The following GOLGA2 variants were observed in gnomAD, a reference collection of about 807,000 sequenced individuals.
The protein encoded by GOLGA2 is golgin subfamily A member 2.
GOLGA2 carries 49 observed loss-of-function variants against 148.8 expected under a neutral mutation model. The ratio of observed to expected loss-of-function variants is 0.33; its 90% CI spans 0.26 to 0.42. The LOEUF (loss-of-function observed/expected upper bound fraction) is 0.42, where lower values mean the gene tolerates loss of function less well. Ranked by LOEUF, GOLGA2 falls within the 10% of genes least tolerant of loss-of-function variation. GOLGA2 has a pLI of 1.00. For missense variants in GOLGA2, 1,178 were observed against 1,304.6 expected (o/e 0.90, Z 1.49); for synonymous variants, 501 against 511.8 (o/e 0.98, Z 0.28).
rs577915688 is a variant in GOLGA2, at chr9:128,256,066, T to G, written c.*1001A>C. 1 of 152,610 alleles carries G rather than the reference T, an allele frequency of 6.6e-6. No individual in the cohort carries two copies. The highest frequency in any genetic ancestry group is 2.4e-5 in the African/African-American group (1 of 41,410). The allele number at this position is 152,610 out of a possible 1,614,324, so 9.5% of individuals were successfully genotyped here. On this transcript the variant is annotated 3_prime_UTR_variant, in exon 27 of 27. Transcript: ENST00000611957. ...TACAAAATGTTACACAGATACAATA[T>G]GTACACTGGGGAAGCAGGGCCACCC...
rs1830037202 is a variant in GOLGA2 at position 128,258,403 on chromosome 9, G to A, written c.2289+52C>T. ...AAACCAAGAGCAGAAGGGGGTCTGG[G>A]AGGGACCACAGAGGGAGGCAGCAAA... is the stretch of plus-strand genomic sequence containing the variant. On this transcript the variant is annotated intron_variant, in intron 22 of 26. Transcript: ENST00000611957. This position sits in a 1 kb window ranked among gnomAD's most constrained non-coding sequence, Gnocchi z 6.6. 3 of 1,496,946 alleles carry A rather than the reference G, an allele frequency of 2.0e-6. No individual in the cohort carries two copies. The highest frequency in any genetic ancestry group is 2.8e-6 in the Non-Finnish European group (3 of 1,074,730). The allele number at this position is 1,496,946 out of a possible 1,614,324, so 92.7% of individuals were successfully genotyped here.
intron 1 of GOLGA2, 142 bp from the exon 2 acceptor site, chr9:128,274,114 T>C (rs1484971977): frequency 1.7e-5 from 13 of 786,238 alleles, no homozygotes; most frequent in African/African-American, 3.5e-5. Flanking sequence ...TCACAATCAC[T>C]TAGTGACTGA....
In GOLGA2 at chr9:128,261,049, C is replaced by A; in HGVS notation, c.1420+123G>T. 1.3e-6 allele frequency: 1 copy of A among 787,534 alleles called. No homozygotes were observed. The allele number at this position is 787,534 out of a possible 1,614,324, so 48.8% of individuals were successfully genotyped here. A position where few individuals can be genotyped will look rare whatever the true frequency, so the allele number is the denominator to read the frequency against. On this transcript the variant is annotated intron_variant, in intron 17 of 26. Coordinates refer to ENST00000611957, the MANE Select transcript of GOLGA2 (RefSeq NM_001366244.2). The surrounding 1 kb of genome is among the most constrained non-coding windows in gnomAD (Gnocchi z 5.7). ...GATGACGAGACTTGCCATCTCCTGGCACAGACCTCTTTCCCTCTGCCTCAA... is the reference window on the plus strand; with the variant it reads ...GATGACGAGACTTGCCATCTCCTGGAACAGACCTCTTTCCCTCTGCCTCAA...
chr9:128,261,725 G>A lies in GOLGA2; in HGVS notation c.1167C>T (p.Asn389=), dbSNP rs1830289053. Reference sequence around the variant, plus strand: ...CCTCCATGGCCTGCTGTAACTGCTGGTTAGCATCAGGGGCTTCACACCGGC... The same window carrying A: ...CCTCCATGGCCTGCTGTAACTGCTGATTAGCATCAGGGGCTTCACACCGGC... The part of the protein sequence containing the change: ...FSSRCEAPDA[N]QQLQQAMEER... The change falls in exon 15 of 27, where the codon AAC becomes AAT. Residue 389 remains asparagine (N), a synonymous_variant. Coordinates refer to ENST00000611957, the MANE Select transcript of GOLGA2 (RefSeq NM_001366244.2). This position sits in a 1 kb window ranked among gnomAD's most constrained non-coding sequence, Gnocchi z 5.7. 1.9e-6 allele frequency: 3 copies of A among 1,613,122 alleles called. No individual in the cohort carries two copies. The highest frequency in any genetic ancestry group is 2.5e-6 in the Non-Finnish European group (3 of 1,179,148).
At chr9:128,274,039 AATTTTTC>A (rs1373779130) in intron 1 of GOLGA2, 67 bp from the exon 2 acceptor site, 3 of 1,510,444 alleles carry the variant, frequency 2.0e-6, no homozygotes, top group Non-Finnish European at 2.7e-6. Flanking sequence ...CCTACTTTAC[AATTTTTC>A]CAAAATACTC....
At position 128,268,457 on chromosome 9, in the gene GOLGA2, GA is replaced by G; in HGVS notation, c.355del (p.Ser119ProfsTer65). 6.2e-7 allele frequency: 1 copy of G among 1,611,544 alleles called. No individual in the cohort carries two copies. The highest frequency in any genetic ancestry group is 8.5e-7 in the Non-Finnish European group (1 of 1,178,148). ...CATGCTAGTGAGACTGGCACCAGGG[GA>G]AGGGACACCGCCAGGTAACACGGTG... The part of the protein sequence containing the change: ...DDTVLPGGVP[S>X]PGASLTSMAA... On this transcript the variant is annotated frameshift_variant, in exon 4 of 27. Transcript: ENST00000611957.
rs781217929 is a variant in GOLGA2 at position 128,257,404 on chromosome 9, G to T, written c.2840C>A (p.Ala947Asp). The T allele has an allele frequency of 6.2e-7, 1 of 1,612,984 alleles. No individual in the cohort carries two copies. Among genetic ancestry groups the T allele is most frequent in the South Asian group, 1.1e-5 (1 of 91,026 alleles). The part of the protein sequence containing the change: ...PADEPTSGAP[A>D]PQELGAANQQ... ...GTTGGCAGCCCCAAGTTCCTGGGGG[G>T]CTGGGGCCCCTGAAGTGGGCTCATC... is the stretch of plus-strand genomic sequence containing the variant. The change falls in exon 26 of 27, where the codon GCC becomes GAC. Residue 947 changes from alanine (A) to aspartate (D), a missense_variant. By Grantham distance (126) the Ala-to-Asp change is moderately radical. Transcript: ENST00000611957. The surrounding 1 kb of genome is among the most constrained non-coding windows in gnomAD (Gnocchi z 8.0).
In GOLGA2 at chr9:128,267,289, G is replaced by C. The variant is rs892280744; in HGVS notation, c.562-15C>G. 6 of 1,579,900 alleles carry C rather than the reference G, an allele frequency of 3.8e-6. No homozygotes were observed. Among genetic ancestry groups the C allele is most frequent in the Non-Finnish European group, 5.2e-6 (6 of 1,149,006 alleles). ...TGGTACCGGCTCTGAGGCGCATGCA[G>C]AGAGGAGGAGTTGGAGGAGGATTGG... On this transcript the variant is annotated splice_polypyrimidine_tract_variant and intron_variant, in intron 7 of 26. Transcript: ENST00000611957.
In GOLGA2 at chr9:128,257,755, C is replaced by T; in HGVS notation, c.2611+35G>A. ...TGCTGGGTTCCCTCCGACCGCTGTG[C>T]AGCTCCTCCTGCCGTGCCCTGGCCT... is the stretch of plus-strand genomic sequence containing the variant. On this transcript the variant is annotated intron_variant, in intron 24 of 26. Transcript: ENST00000611957. This position sits in a 1 kb window ranked among gnomAD's most constrained non-coding sequence, Gnocchi z 8.0. 6.2e-7 allele frequency: 1 copy of T among 1,608,568 alleles called. No individual in the cohort carries two copies. The highest frequency in any genetic ancestry group is 8.5e-7 in the Non-Finnish European group (1 of 1,174,988).
intron 12 of GOLGA2, 73 bp downstream of exon 12, chr9:128,265,512 A>G: frequency 9.0e-7 from 1 of 1,105,578 alleles, no homozygotes. Context: ...AACCCTGCAG[A>G]AGGGACCTTT....
At chr9:128,267,848 T>C in intron 6 of GOLGA2, 86 bp downstream of exon 6, 1 of 1,093,004 alleles carries the variant, frequency 9.1e-7, no homozygotes. Flanking sequence ...TCCCAGGATC[T>C]TCCCTCTCTC....
At chr9:128,275,384 C>A in intron 1 of GOLGA2, 1 of 1,286,128 alleles carries the variant, frequency 7.8e-7, no homozygotes, top group Non-Finnish European at 9.9e-7. Context: ...AACATCAGCG[C>A]GACGTCCAAG....
rs772607333 is a variant in GOLGA2, at chr9:128,259,097, AAG to A, written c.2098-17_2098-16del. On this transcript the variant is annotated splice_polypyrimidine_tract_variant and intron_variant, in intron 20 of 26. Transcript: ENST00000611957. ...TCCAGGCGCTCCTAAGGGGCCAGAA[AAG>A]AGAGTGAGAAGGCATGGAGGTTGCC... 12 of 1,610,784 alleles carry A rather than the reference AAG, an allele frequency of 7.4e-6. No homozygotes were observed. Among genetic ancestry groups the A allele is most frequent in the Non-Finnish European group, 4.2e-6 (5 of 1,177,176 alleles).
At chr9:128,275,236 T>C in intron 1 of GOLGA2, 1 of 593,624 alleles carries the variant, frequency 1.7e-6, no homozygotes, top group Non-Finnish European at 2.9e-6. Flanking sequence ...CAGCTGGAAA[T>C]TTATGCTGTG....
Position 128,274,353 on chromosome 9 carries a change from G to A in GOLGA2, c.85-381C>T, listed in dbSNP as rs919352750. ...TAATTACGGTTCCGAGGGGGACTGC[G>A]ACATCACTACATTCCACTCCACCAA... On this transcript the variant is annotated intron_variant, in intron 1 of 26. Transcript: ENST00000611957. Among the ~76,000 whole-genome samples, 5 of 152,064 alleles carry A rather than the reference G, an allele frequency of 3.3e-5. No individual in the cohort carries two copies. In the South Asian group the frequency reaches 6.2e-4, roughly 19 times the overall value.
Position 128,265,854 on chromosome 9 carries a change from C to T in GOLGA2, c.760G>A (p.Val254Ile). The change falls in exon 11 of 27, where the codon GTA (valine) becomes ATA (isoleucine). Residue 254 changes from valine to isoleucine, a missense_variant. This residue lies in a region of GOLGA2 where 304 missense variants were observed against 404.1 expected (regional missense o/e 0.75). Transcript: ENST00000611957. ...GTCTGTAACTCAGCTTTCTCTGATA[C>T]GAGGATCCCTATGGTCTGAATGTGA... ...QVHIQTIGILVSEKAELQTAL... is the reference protein window; with the variant it reads ...QVHIQTIGILISEKAELQTAL... 1.9e-6 allele frequency: 3 copies of T among 1,613,546 alleles called. No homozygotes were observed. The highest frequency in any genetic ancestry group is 1.1e-5 in the South Asian group (1 of 91,070).
At chr9:128,275,440 G>A (rs1831263178) in intron 1 of GOLGA2, 1 of 1,302,634 alleles carries the variant, frequency 7.7e-7, no homozygotes, top group African/African-American at 1.5e-5. Context: ...CAGGACCCAG[G>A]TCCTTGGAGA....
intron 12 of GOLGA2, 75 bp from the exon 13 acceptor site, chr9:128,263,167 G>GT (rs2131353086): frequency 1.2e-6 from 1 of 837,952 alleles, no homozygotes; most frequent in South Asian, 1.3e-5. Flanking sequence ...AACAGCTACA[G>GT]TAAGTACTCC....
At position 128,256,785 on chromosome 9, in the gene GOLGA2, C is replaced by A; in HGVS notation, c.*282G>T. On this transcript the variant is annotated 3_prime_UTR_variant, in exon 27 of 27. Transcript: ENST00000611957. ...CTGGGATTACAGGCGTGAGCCACTG[C>A]ACCTGGCCTTTTTTCATAACTTTTA... The A allele has an allele frequency of 4.3e-6, 1 of 234,250 alleles. No individual in the cohort carries two copies. Among genetic ancestry groups the A allele is most frequent in the Non-Finnish European group, 8.3e-6 (1 of 121,210 alleles). The allele number at this position is 234,250 out of a possible 1,614,324, so 14.5% of individuals were successfully genotyped here.
Sources: gnomAD v4.1 joint callset for allele counts (sites outside exome capture counted in the v4.1 genomes callset) on GRCh38, gnomAD v4.1.1 for gene constraint, gnomAD v4.1.1 regional missense constraint, Gnocchi (gnomAD v3.1) non-coding constraint, MANE v1.5 for transcripts, NCBI Gene and HGNC (gene_info 2026-07-23, HGNC 2026-07-21) for gene names.